LDLRAD4: variants seen among roughly 807,000 people sequenced by gnomAD.
The protein encoded by LDLRAD4 is low-density lipoprotein receptor class A domain-containing protein 4.
Under a neutral mutation model 17.0 loss-of-function variants are expected in LDLRAD4, and 5 were observed. The observed-to-expected ratio is 0.29, with a 90% confidence interval of 0.15 to 0.62. LDLRAD4 has a LOEUF of 0.62. LDLRAD4 is among the 20% of genes least tolerant of loss of function. The pLI, the probability that LDLRAD4 is intolerant of heterozygous loss-of-function variation, is 0.84. For missense variants in LDLRAD4, 340 were observed against 424.7 expected (o/e 0.80, Z 1.75); for synonymous variants, 168 against 171.8 (o/e 0.98, Z 0.17).
At chr18:13,590,334 GGTAA>G (rs1304292545) in intron 3 of LDLRAD4, among the ~76,000 whole-genome samples, 1 of 127,212 alleles carries the variant, frequency 7.9e-6, no homozygotes, top group Non-Finnish European at 1.7e-5. Flanking sequence ...GTATGTGGGG[GGTAA>G]GTGTGTGTGT....
chr18:13,389,653 G>A (rs2086114159), intron 2 of LDLRAD4, among the ~76,000 whole-genome samples: 1 of 152,146 alleles, frequency 6.6e-6, no homozygotes, highest in African/African-American at 2.4e-5. Flanking sequence ...CCACAGGGTG[G>A]CCCACAGAGG....
At chr18:13,612,523 T>C in intron 3 of LDLRAD4, 9 of 1,415,930 alleles carry the variant, frequency 6.4e-6, no homozygotes, top group Non-Finnish European at 8.3e-6. Flanking sequence ...AGAGAGAGAG[T>C]GAACGAGGCA....
At chr18:13,626,750 T>G (rs746108463) in intron 4 of LDLRAD4, among the ~76,000 whole-genome samples, 1 of 152,220 alleles carries the variant, frequency 6.6e-6, no homozygotes, top group East Asian at 1.9e-4. Flanking sequence ...TCCAGCTCCC[T>G]GGGGTTGACA....
intron 1 of LDLRAD4, among the ~76,000 whole-genome samples, chr18:13,238,466 TGTCA>T (rs1377081581): frequency 6.6e-6 from 1 of 152,242 alleles, no homozygotes; most frequent in Non-Finnish European, 1.5e-5. Flanking sequence ...TTATTTGGGC[TGTCA>T]GTGTTCACAC....
exon 6 of LDLRAD4, chr18:13,649,921 A>G: frequency 2.5e-6 from 1 of 397,396 alleles, no homozygotes; most frequent in Non-Finnish European, 4.4e-6. Flanking sequence ...ACTGAGGTGA[A>G]AGGACAATTG....
rs2094450361 is a variant in LDLRAD4 at position 13,553,014 on chromosome 18, TAAGG to T, written c.182-68097_182-68094del. Among the ~76,000 whole-genome samples, 5 of 152,226 alleles carry T rather than the reference TAAGG, an allele frequency of 3.3e-5. No homozygotes were observed. The South Asian group carries it at 8.3e-4, about 25-fold the overall frequency. ...ACTTTACTCATCCTCTGCGTATTTTTAAGGAAGGATCTGAAAAATGATAAGAGGT... is the reference window on the plus strand; with the variant it reads ...ACTTTACTCATCCTCTGCGTATTTTTAAGGATCTGAAAAATGATAAGAGGT... On this transcript the variant is annotated intron_variant, in intron 3 of 5. Transcript: ENST00000359446.
intron 3 of LDLRAD4, among the ~76,000 whole-genome samples, chr18:13,503,273 A>T (rs1202471607): frequency 6.6e-6 from 1 of 152,222 alleles, no homozygotes; most frequent in South Asian, 2.1e-4. Context: ...TGAAAAGTGC[A>T]GCACTTTCTG....
At chr18:13,504,443 T>C (rs560250069) in intron 3 of LDLRAD4, among the ~76,000 whole-genome samples, 2 of 152,210 alleles carry the variant, frequency 1.3e-5, no homozygotes, top group South Asian at 4.1e-4. Flanking sequence ...ATTTTGTGTT[T>C]TTGAGACAGA....
intron 1 of LDLRAD4, among the ~76,000 whole-genome samples, chr18:13,284,987 C>T (rs7236595): frequency 0.022 from 3,388 of 152,258 alleles, 121 homozygotes; most frequent in African/African-American, 0.074. Flanking sequence ...CCTCTCAAGC[C>T]GATGTGAGAC....
At chr18:13,512,120 C>T (rs2093791079) in intron 3 of LDLRAD4, among the ~76,000 whole-genome samples, 1 of 152,196 alleles carries the variant, frequency 6.6e-6, no homozygotes, top group South Asian at 2.1e-4. Context: ...AATTTCCTTC[C>T]TGTTCCTTTT....
chr18:13,603,067 A>C (rs1446833209), intron 3 of LDLRAD4, among the ~76,000 whole-genome samples: 1 of 123,636 alleles, frequency 8.1e-6, no homozygotes, highest in Non-Finnish European at 1.9e-5. Flanking sequence ...TAAATATTTA[A>C]GTTTTTAAAG....
At chr18:13,410,161 A>G (rs563197513) in intron 2 of LDLRAD4, among the ~76,000 whole-genome samples, 1 of 152,160 alleles carries the variant, frequency 6.6e-6, no homozygotes, top group East Asian at 1.9e-4. Flanking sequence ...GCAAGGAGGG[A>G]CTTCCGACCT....
chr18:13,455,208 T>A (rs1208086685), intron 3 of LDLRAD4, among the ~76,000 whole-genome samples: 1 of 151,256 alleles, frequency 6.6e-6, no homozygotes, highest in Non-Finnish European at 1.5e-5. Flanking sequence ...CAGTGGGCAC[T>A]TAGGCAGGAG....
intron 1 of LDLRAD4, among the ~76,000 whole-genome samples, chr18:13,376,895 C>T (rs1042504627): frequency 3.3e-5 from 5 of 152,220 alleles, no homozygotes; most frequent in Admixed American, 1.3e-4. Context: ...TCTGCCTGGC[C>T]GGAGGCCTCC....
chr18:13,635,614 T>A (rs1241961337), intron 4 of LDLRAD4, among the ~76,000 whole-genome samples: 1 of 152,172 alleles, frequency 6.6e-6, no homozygotes, highest in Non-Finnish European at 1.5e-5. Flanking sequence ...TTCCTGTTAG[T>A]GTGGCTGTTC....
At chr18:13,312,972 C>G (rs1012867035) in intron 1 of LDLRAD4, among the ~76,000 whole-genome samples, 7 of 152,164 alleles carry the variant, frequency 4.6e-5, no homozygotes, top group African/African-American at 1.7e-4. Context: ...TAACACGGCT[C>G]TGTTTGTGCG....
chr18:13,272,294 G>T (rs1434216984), intron 1 of LDLRAD4, among the ~76,000 whole-genome samples: 1 of 152,166 alleles, frequency 6.6e-6, no homozygotes, highest in Non-Finnish European at 1.5e-5. Flanking sequence ...GGGTTGTCGT[G>T]GGACTCAGGT....
At chr18:13,416,639 C>A (rs2088923539) in intron 2 of LDLRAD4, among the ~76,000 whole-genome samples, 1 of 152,140 alleles carries the variant, frequency 6.6e-6, no homozygotes. Flanking sequence ...TTGCCCGTGT[C>A]TAGTAATATA....
intron 3 of LDLRAD4, chr18:13,490,822 T>C (rs1396826252): frequency 6.6e-6 from 1 of 152,180 alleles, no homozygotes; most frequent in Non-Finnish European, 1.5e-5. Context: ...GTCAGGGAGA[T>C]GGCAGGATGT....
Sources: gnomAD v4.1 joint callset for allele counts (sites outside exome capture counted in the v4.1 genomes callset) on GRCh38, gnomAD v4.1.1 for gene constraint, MANE v1.5 for transcripts, NCBI Gene and HGNC (gene_info 2026-07-23, HGNC 2026-07-21) for gene names.